CACNA1E: variants seen among roughly 807,000 people sequenced by gnomAD.
CACNA1E encodes voltage-dependent R-type calcium channel subunit alpha-1E.
A neutral mutation model predicts 259.2 loss-of-function variants in CACNA1E; 40 were observed. That is an observed-to-expected ratio of 0.15 (90% CI 0.12 to 0.20). The LOEUF is 0.20. Ranked by LOEUF, CACNA1E falls within the 10% of genes least tolerant of loss-of-function variation. The pLI is 1.00. For missense variants in CACNA1E, 1,874 were observed against 3,040.1 expected, an observed-to-expected ratio of 0.62 and a Z score of 9.02; for synonymous variants, 1,104 against 1,138.5, an observed-to-expected ratio of 0.97 and a Z score of 0.61.
At chr1:181,728,928 T>C (rs632741) in intron 18 of CACNA1E, among the ~76,000 whole-genome samples, 2 of 71,430 alleles carry the variant, frequency 2.8e-5, no homozygotes, top group African/African-American at 6.2e-5. Flanking sequence ...GTGTGAACAT[T>C]GCTCAGGTGT....
intron 3 of CACNA1E, among the ~76,000 whole-genome samples, chr1:181,576,873 C>T (rs905017472): frequency 4.6e-5 from 7 of 152,150 alleles, no homozygotes; most frequent in African/African-American, 1.7e-4. Flanking sequence ...ATTTTTATAA[C>T]TAGACCACGA....
In CACNA1E at chr1:181,783,647, T is replaced by TTG. The variant is rs201160192; in HGVS notation, c.5365-32_5365-31insTG. 6,909 of 1,190,846 alleles carry TTG rather than the reference T, an allele frequency of 5.8e-3. 18 individuals carry two copies. Among genetic ancestry groups the TTG allele is most frequent in the South Asian group, 0.011 (822 of 72,302 alleles). 73.8% of individuals were successfully genotyped at this position (1,190,846 alleles called of 1,614,324 possible). A position where few individuals can be genotyped will look rare whatever the true frequency, so the allele number is the denominator to read the frequency against. The stretch of plus-strand genomic sequence containing the variant: ...GATGTCTTTCAATTTTTTTTTTTTT[T>TTG]GCCTGCTGTTTCTTTTTTCTCTTTC... On this transcript the variant is annotated intron_variant, in intron 39 of 47. Transcript: ENST00000367573.
At chr1:181,774,042 G>A (rs917032903) in intron 37 of CACNA1E, among the ~76,000 whole-genome samples, 3 of 152,184 alleles carry the variant, frequency 2.0e-5, no homozygotes, top group South Asian at 2.1e-4. Flanking sequence ...CGATGTGCCC[G>A]AGGCCTTGTG....
intron 1 of CACNA1E, among the ~76,000 whole-genome samples, chr1:181,391,331 C>T (rs982286467): frequency 6.6e-5 from 10 of 152,192 alleles, no homozygotes; most frequent in African/African-American, 2.4e-4. Flanking sequence ...AGTCGGGATC[C>T]AGCTGTGAAA....
At chr1:181,565,889 T>A (rs971374248) in intron 3 of CACNA1E, among the ~76,000 whole-genome samples, 3 of 133,860 alleles carry the variant, frequency 2.2e-5, no homozygotes, top group Non-Finnish European at 5.0e-5. Context: ...TCCTGGGGGG[T>A]ACCTGCGGAG....
At chr1:181,496,586 T>C (rs1212539173) in intron 1 of CACNA1E, among the ~76,000 whole-genome samples, 1 of 152,060 alleles carries the variant, frequency 6.6e-6, no homozygotes, top group Non-Finnish European at 1.5e-5. Context: ...TCTGAAAGGG[T>C]TAGGGTGCTG....
chr1:181,600,098 G>A (rs1288136376), intron 6 of CACNA1E, among the ~76,000 whole-genome samples: 2 of 152,196 alleles, frequency 1.3e-5, no homozygotes, highest in Non-Finnish European at 2.9e-5. Context: ...GAAGGAGGTG[G>A]TATCTGAGCA....
chr1:181,782,657 G>A (rs1336966573), intron 39 of CACNA1E, among the ~76,000 whole-genome samples: 1 of 152,188 alleles, frequency 6.6e-6, no homozygotes, highest in Non-Finnish European at 1.5e-5. Context: ...TTCTGCCAGA[G>A]GACGTTCTCC....
At position 181,755,365 on chromosome 1, in the gene CACNA1E, G is replaced by A. The variant is rs370283391; in HGVS notation, c.3957G>A (p.Thr1319=). The A allele has an allele frequency of 1.9e-5, 30 of 1,613,664 alleles. No individual in the cohort carries two copies. The highest frequency in any genetic ancestry group is 1.6e-4 in the African/African-American group (12 of 74,880). ...TCAAGGGAAAGTTCTTTTATTGCACGGACAGTTCCAAGGACACAGAGAAGG... is the reference window on the plus strand; with the variant it reads ...TCAAGGGAAAGTTCTTTTATTGCACAGACAGTTCCAAGGACACAGAGAAGG... The part of the protein sequence containing the change: ...QLFKGKFFYC[T]DSSKDTEKEC... Residue 1319 remains threonine (T), a synonymous_variant, in exon 28 of 48, where the codon ACG becomes ACA. Coordinates refer to ENST00000367573, the MANE Select transcript of CACNA1E (RefSeq NM_001205293.3).
chr1:181,454,256 A>C (rs376290337), intron 2 of CACNA1E, among the ~76,000 whole-genome samples: 11 of 152,264 alleles, frequency 7.2e-5, no homozygotes, highest in African/African-American at 2.6e-4. Flanking sequence ...GGGTCTAGAG[A>C]TCAGGCCCCC....
intron 1 of CACNA1E, among the ~76,000 whole-genome samples, chr1:181,351,760 G>C (rs887208694): frequency 6.6e-6 from 1 of 152,184 alleles, no homozygotes; most frequent in Non-Finnish European, 1.5e-5. Flanking sequence ...ATCTCCCTCT[G>C]CCTCTCTCGT....
intron 2 of CACNA1E, among the ~76,000 whole-genome samples, chr1:181,462,555 G>A (rs572351565): frequency 6.6e-6 from 1 of 152,270 alleles, no homozygotes; most frequent in African/African-American, 2.4e-5. Flanking sequence ...TGCCATATTT[G>A]CTTCATCCCT....
chr1:181,424,790 C>G (rs1335235951), intron 2 of CACNA1E, among the ~76,000 whole-genome samples: 1 of 152,102 alleles, frequency 6.6e-6, no homozygotes, highest in Non-Finnish European at 1.5e-5. Flanking sequence ...GACTCTCCCC[C>G]AAGACTCTGC....
intron 6 of CACNA1E, among the ~76,000 whole-genome samples, chr1:181,601,633 C>T (rs1049315576): frequency 6.6e-6 from 1 of 152,204 alleles, no homozygotes; most frequent in Non-Finnish European, 1.5e-5. Context: ...CAGAATCTGC[C>T]TACCAATCCT....
chr1:181,400,226 A>G (rs1287169820), intron 1 of CACNA1E, among the ~76,000 whole-genome samples: 3 of 152,220 alleles, frequency 2.0e-5, no homozygotes, highest in Non-Finnish European at 4.4e-5. Context: ...TTTAGTGGAA[A>G]ACAACTTGAT....
intron 6 of CACNA1E, among the ~76,000 whole-genome samples, chr1:181,641,717 T>TTG (rs1558217807): frequency 4.9e-4 from 9 of 18,506 alleles, no homozygotes; most frequent in African/African-American, 6.5e-4. Flanking sequence ...TTTTTTTTTT[T>TTG]TTTTTTTTTT....
At chr1:181,794,715 G>A (rs879029242) in intron 45 of CACNA1E, 149 bp from the exon 46 acceptor site, 8 of 637,188 alleles carry the variant, frequency 1.3e-5, no homozygotes, top group Middle Eastern at 4.3e-4. Flanking sequence ...ACCAGCTAAG[G>A]TTTGAGCAAG....
intron 32 of CACNA1E, 25 bp from the exon 33 acceptor site, chr1:181,762,549 T>G: frequency 7.2e-7 from 1 of 1,381,060 alleles, no homozygotes; most frequent in East Asian, 2.3e-5. Flanking sequence ...TTTCTGATGT[T>G]CCTATGACTG....
intron 7 of CACNA1E, among the ~76,000 whole-genome samples, chr1:181,670,543 G>T (rs1648688180): frequency 6.6e-6 from 1 of 152,110 alleles, no homozygotes; most frequent in African/African-American, 2.4e-5. Flanking sequence ...GAAATGAATG[G>T]CATTTGAGGG....
Sources: allele counts gnomAD v4.1 joint callset (sites outside exome capture counted in the v4.1 genomes callset), GRCh38; gene constraint gnomAD v4.1.1; transcripts MANE v1.5; gene names NCBI Gene and HGNC (gene_info 2026-07-23, HGNC 2026-07-21).